Variants in ATL1 observed in about 807,000 individuals in gnomAD.
The protein encoded by ATL1 is atlastin GTPase 1, also known as atlastin-1.
ATL1 carries 31 observed loss-of-function variants against 75.5 expected under a neutral mutation model. The observed-to-expected ratio is 0.41, with a 90% confidence interval of 0.31 to 0.55. The LOEUF is 0.55. ATL1 is among the 20% of genes least tolerant of loss of function. ATL1 has a pLI of 0.27. For missense variants in ATL1, 405 were observed against 662.6 expected, an observed-to-expected ratio of 0.61 and a Z score of 4.27; for synonymous variants, 226 against 233.3, an observed-to-expected ratio of 0.97 and a Z score of 0.28.
rs879457783 is a variant in ATL1, at chr14:50,600,380, A to G, written c.630+4748A>G. ...AAAAAAGTTTTCGCTGACTGAGTCA[A>G]CAATGACTCCTAAACATGTTTGGAC... On this transcript the variant is annotated intron_variant, in intron 6 of 13. Coordinates refer to ENST00000358385, the MANE Select transcript of ATL1 (RefSeq NM_015915.5). Among the ~76,000 whole-genome samples the G allele has an allele frequency of 2.0e-5, 3 of 152,228 alleles. No individual in the cohort carries two copies. The East Asian group carries it at 5.8e-4, about 29-fold the overall frequency.
intron 1 of ATL1, among the ~76,000 whole-genome samples, chr14:50,553,345 A>G (rs923039948): frequency 6.6e-6 from 1 of 152,084 alleles, no homozygotes; most frequent in Non-Finnish European, 1.5e-5. Context: ...GCCAACAAAC[A>G]TTGAAAAAAT....
chr14:50,549,097 T>C (rs962925053), intron 1 of ATL1, among the ~76,000 whole-genome samples: 2 of 152,102 alleles, frequency 1.3e-5, no homozygotes, highest in African/African-American at 2.4e-5. Flanking sequence ...CTTGGACCCA[T>C]TCACTTTGAA....
At chr14:50,600,886 G>A (rs1003298984) in intron 6 of ATL1, among the ~76,000 whole-genome samples, 1 of 152,078 alleles carries the variant, frequency 6.6e-6, no homozygotes, top group African/African-American at 2.4e-5. Flanking sequence ...AAAATTGCTT[G>A]GAGACCAGAA....
chr14:50,541,975 C>G, intron 1 of ATL1, among the ~76,000 whole-genome samples: 1 of 125,112 alleles, frequency 8.0e-6, no homozygotes. Context: ...CCACTGCACT[C>G]CAGCCTGGGC....
chr14:50,597,103 C>T (rs142168312), intron 6 of ATL1, among the ~76,000 whole-genome samples: 73 of 150,670 alleles, frequency 4.8e-4, no homozygotes, highest in African/African-American at 1.7e-3. Context: ...CCAGCTACTC[C>T]GGAGGCTGAG....
intron 11 of ATL1, among the ~76,000 whole-genome samples, chr14:50,626,562 A>T (rs1021628681): frequency 7.9e-5 from 12 of 152,224 alleles, no homozygotes; most frequent in African/African-American, 2.9e-4. Context: ...TGGAGATGGA[A>T]TCTACTCCTA....
chr14:50,587,298 T>A (rs2039111192), intron 1 of ATL1, among the ~76,000 whole-genome samples: 1 of 152,170 alleles, frequency 6.6e-6, no homozygotes. Context: ...TCTTGAAAAA[T>A]TTTTTTGATT....
At chr14:50,617,665 T>C (rs757592140) in intron 8 of ATL1, among the ~76,000 whole-genome samples, 1 of 152,220 alleles carries the variant, frequency 6.6e-6, no homozygotes, top group Non-Finnish European at 1.5e-5. Flanking sequence ...ACCAAGCCCC[T>C]AAAGTCCTTG....
Position 50,568,782 on chromosome 14 carries a change from G to A in ATL1, c.34+8483G>A, listed in dbSNP as rs373242142. 5.3e-5 allele frequency among the ~76,000 whole-genome samples: 8 copies of A among 151,850 alleles called. No homozygotes were observed. The East Asian group carries it at 7.7e-4, about 15-fold the overall frequency. ...ATTACTGCGCATTACTCTCTGTTGT[G>A]TTCAGTTGATTTTTATAGTGTAATG... On this transcript the variant is annotated intron_variant, in intron 1 of 13. Coordinates refer to ENST00000358385, the MANE Select transcript of ATL1 (RefSeq NM_015915.5).
At chr14:50,599,677 G>A (rs1595606386) in intron 6 of ATL1, among the ~76,000 whole-genome samples, 1 of 152,162 alleles carries the variant, frequency 6.6e-6, no homozygotes, top group East Asian at 1.9e-4. Flanking sequence ...CATGAATAGA[G>A]TGTTAAAATT....
chr14:50,568,477 A>G (rs575386484), intron 1 of ATL1, among the ~76,000 whole-genome samples: 1 of 152,032 alleles, frequency 6.6e-6, no homozygotes, highest in African/African-American at 2.4e-5. Flanking sequence ...TTCTGATATT[A>G]GTATTGCCAC....
At chr14:50,545,734 G>A (rs764557490) in intron 1 of ATL1, among the ~76,000 whole-genome samples, 1 of 152,170 alleles carries the variant, frequency 6.6e-6, no homozygotes, top group Non-Finnish European at 1.5e-5. Context: ...TGGTGGAGAA[G>A]GTAGATAAAA....
At chr14:50,538,421 A>G (rs1463863044) in intron 1 of ATL1, among the ~76,000 whole-genome samples, 1 of 152,208 alleles carries the variant, frequency 6.6e-6, no homozygotes, top group Non-Finnish European at 1.5e-5. Context: ...TTATCGTCAG[A>G]GTGGTTTTAA....
intron 12 of ATL1, chr14:50,628,720 TTC>T: frequency 1.8e-6 from 1 of 552,668 alleles, no homozygotes; most frequent in Non-Finnish European, 3.4e-6. Flanking sequence ...ATACTTTTTT[TTC>T]TTTTTTTGGG....
chr14:50,627,998 T>C (rs777259235), intron 11 of ATL1, 33 bp from the exon 12 acceptor site: 20 of 1,611,956 alleles, frequency 1.2e-5, no homozygotes, highest in Admixed American at 1.7e-5. Context: ...TTACTCTGCA[T>C]TGCATAAACA....
upstream of ATL1, chr14:50,559,607 A>G (rs1270385933): frequency 1.3e-5 from 2 of 152,298 alleles, no homozygotes; most frequent in Non-Finnish European, 2.9e-5. Context: ...TACAGATCGT[A>G]ATGAATCTAC....
chr14:50,593,951 G>T, intron 5 of ATL1, 55 bp downstream of exon 5: 1 of 1,280,706 alleles, frequency 7.8e-7, no homozygotes, highest in Non-Finnish European at 1.1e-6. Context: ...AACATGTATA[G>T]CAGAACTTTG....
intron 13 of ATL1, among the ~76,000 whole-genome samples, chr14:50,631,440 C>T (rs2039579886): frequency 6.6e-6 from 1 of 152,020 alleles, no homozygotes; most frequent in Non-Finnish European, 1.5e-5. Flanking sequence ...AGAACTAAAT[C>T]AGACAAGTCA....
At chr14:50,621,682 T>C (rs2140233338) in intron 9 of ATL1, among the ~76,000 whole-genome samples, 161 bp from the exon 10 acceptor site, 1 of 152,128 alleles carries the variant, frequency 6.6e-6, no homozygotes, top group East Asian at 1.9e-4. Context: ...GGAAACAACA[T>C]GAACTAAGAA....
Sources: allele counts gnomAD v4.1 joint callset (sites outside exome capture counted in the v4.1 genomes callset), GRCh38; gene constraint gnomAD v4.1.1; transcripts MANE v1.5; gene names NCBI Gene and HGNC (gene_info 2026-07-23, HGNC 2026-07-21).